Variants in CAPS2 observed in about 807,000 individuals in gnomAD.
CAPS2 encodes calcyphosine 2.
Under a neutral mutation model 86.5 loss-of-function variants are expected in CAPS2, and 98 were observed. That is an observed-to-expected ratio of 1.13 (90% CI 0.96 to 1.34). The LOEUF is 1.34. Ranked by LOEUF, CAPS2 falls within the 40% of genes most tolerant of loss-of-function variation. CAPS2 has a pLI of 0.00. For missense variants in CAPS2, 729 were observed against 686.8 expected, an observed-to-expected ratio of 1.06 and a Z score of -0.69; for synonymous variants, 210 against 225.1, an observed-to-expected ratio of 0.93 and a Z score of 0.60.
chr12:75,350,066 C>A (rs987528536), intron 1 of CAPS2, among the ~76,000 whole-genome samples: 1 of 152,252 alleles, frequency 6.6e-6, no homozygotes, highest in African/African-American at 2.4e-5. Flanking sequence ...GCCAGCAAGA[C>A]TGACTGGTTT....
chr12:75,299,722 G>T, intron 9 of CAPS2, 115 bp downstream of exon 9: 1 of 461,284 alleles, frequency 2.2e-6, no homozygotes, highest in Non-Finnish European at 4.0e-6. Flanking sequence ...CTAAATTCAC[G>T]TATTTTTATT....
chr12:75,326,658 T>C, upstream of CAPS2: 1 of 563,814 alleles, frequency 1.8e-6, no homozygotes, highest in Non-Finnish European at 3.2e-6. Flanking sequence ...TTTACCAATA[T>C]CAACTTTTTA....
chr12:75,316,711 C>G (rs2039805350), intron 5 of CAPS2, among the ~76,000 whole-genome samples: 1 of 152,040 alleles, frequency 6.6e-6, no homozygotes, highest in South Asian at 2.1e-4. Context: ...ATATACATGT[C>G]CAACACTTTA....
upstream of CAPS2, chr12:75,334,633 G>A (rs1011993437): frequency 1.3e-6 from 2 of 1,534,830 alleles, no homozygotes; most frequent in Admixed American, 2.0e-5. Context: ...ATGGAGCCAA[G>A]GGAGAGCGTG....
intron 1 of CAPS2, among the ~76,000 whole-genome samples, chr12:75,354,523 T>C (rs960855226): frequency 6.6e-6 from 1 of 152,172 alleles, no homozygotes; most frequent in Non-Finnish European, 1.5e-5. Context: ...TCATGGATAG[T>C]AAGAATCAAT....
chr12:75,351,345 G>A (rs932660695), intron 1 of CAPS2, among the ~76,000 whole-genome samples: 1 of 152,092 alleles, frequency 6.6e-6, no homozygotes, highest in African/African-American at 2.4e-5. Flanking sequence ...ACCCCCGTAA[G>A]ATACTCCATG....
intron 1 of CAPS2, among the ~76,000 whole-genome samples, chr12:75,389,929 T>C (rs544383423): frequency 2.0e-5 from 3 of 152,214 alleles, no homozygotes; most frequent in Non-Finnish European, 2.9e-5. Flanking sequence ...GCAGTCATAG[T>C]AGTAAGTATT....
chr12:75,370,255 T>C (rs1052667659), intron 1 of CAPS2: 1 of 774,396 alleles, frequency 1.3e-6, no homozygotes, highest in Non-Finnish European at 2.2e-6. Context: ...TATCATCACT[T>C]TGCTTCTTTA....
intron 4 of CAPS2, chr12:75,322,843 A>G (rs1007879403): frequency 1.2e-5 from 7 of 586,136 alleles, no homozygotes; most frequent in Non-Finnish European, 2.1e-5. Context: ...AAAACAAGTA[A>G]AAATTATTTC....
intron 13 of CAPS2, among the ~76,000 whole-genome samples, chr12:75,290,493 A>T (rs1418328120): frequency 6.6e-6 from 1 of 152,224 alleles, no homozygotes; most frequent in East Asian, 1.9e-4. Flanking sequence ...ATTGACAATG[A>T]TATAATAAAC....
At chr12:75,293,612 C>G (rs574188845) in intron 11 of CAPS2, among the ~76,000 whole-genome samples, 2 of 152,176 alleles carry the variant, frequency 1.3e-5, no homozygotes, top group African/African-American at 4.8e-5. Context: ...ATATAATAAA[C>G]TCAGTTTGTT....
At chr12:75,296,043 C>T (rs1380530319) in intron 11 of CAPS2, among the ~76,000 whole-genome samples, 2 of 152,046 alleles carry the variant, frequency 1.3e-5, no homozygotes, top group African/African-American at 4.8e-5. Flanking sequence ...GAAATATTAT[C>T]CTGGATTTAG....
At position 75,378,392 on chromosome 12, in the gene CAPS2, C is replaced by T. The variant is rs542555175; in HGVS notation, c.-395+12446G>A. Among the ~76,000 whole-genome samples, 10 of 151,922 alleles carry T rather than the reference C, an allele frequency of 6.6e-5. No individual in the cohort carries two copies. The South Asian group carries it at 1.2e-3, about 19-fold the overall frequency. On this transcript the variant is annotated intron_variant, in intron 1 of 5. Coordinates refer to the CAPS2 transcript ENST00000551829. ...TTCTCCAGAGAAACACAACCAATAG[C>T]GGAGAGAAAGGGGGAGAGGGAGAAG...
At chr12:75,284,522 T>A (rs1395149717) in intron 15 of CAPS2, among the ~76,000 whole-genome samples, 2 of 152,132 alleles carry the variant, frequency 1.3e-5, no homozygotes, top group African/African-American at 4.8e-5. Context: ...TTTTTAGTCA[T>A]CATCCTAAAA....
At chr12:75,302,358 C>A (rs1047249353) in intron 8 of CAPS2, among the ~76,000 whole-genome samples, 4 of 152,142 alleles carry the variant, frequency 2.6e-5, no homozygotes, top group African/African-American at 9.7e-5. Flanking sequence ...GAAGAAAAAG[C>A]CTAGAAACCA....
intron 1 of CAPS2, among the ~76,000 whole-genome samples, chr12:75,383,016 A>T (rs1186034098): frequency 6.6e-6 from 1 of 152,190 alleles, no homozygotes; most frequent in African/African-American, 2.4e-5. Flanking sequence ...GTTTTGCCCC[A>T]AATTTCAAAG....
At chr12:75,329,293 A>G (rs1346429947), upstream of CAPS2, among the ~76,000 whole-genome samples, 1 of 152,226 alleles carries the variant, frequency 6.6e-6, no homozygotes, top group Non-Finnish European at 1.5e-5. Context: ...TTTGTCATTA[A>G]GCACTGAATA....
chr12:75,317,557 A>G (rs935124390), intron 5 of CAPS2, among the ~76,000 whole-genome samples: 1 of 152,156 alleles, frequency 6.6e-6, no homozygotes, highest in Non-Finnish European at 1.5e-5. Flanking sequence ...TGATATTTCC[A>G]CTTAATATTT....
At chr12:75,281,182 T>C (rs908684358) in intron 16 of CAPS2, among the ~76,000 whole-genome samples, 3 of 151,912 alleles carry the variant, frequency 2.0e-5, no homozygotes, top group African/African-American at 7.2e-5. Flanking sequence ...GGCTATATAA[T>C]TTAATATAGT....
Sources: allele counts gnomAD v4.1 joint callset (sites outside exome capture counted in the v4.1 genomes callset), GRCh38; gene constraint gnomAD v4.1.1; transcripts MANE v1.5; gene names NCBI Gene and HGNC (gene_info 2026-07-23, HGNC 2026-07-21).